Variants in RBKS observed in about 807,000 individuals in gnomAD.
RBKS encodes ribokinase.
A neutral mutation model predicts 33.9 loss-of-function variants in RBKS; 33 were observed. That is an observed-to-expected ratio of 0.97 (90% confidence interval 0.74 to 1.30). The LOEUF (loss-of-function observed/expected upper bound fraction) is 1.30, where lower values mean the gene tolerates loss of function less well. Among genes scored for constraint, RBKS ranks in the 50% most tolerant of loss-of-function variants. RBKS has a pLI of 0.00. For synonymous variants in RBKS, 125 were observed against 143.0 expected, an observed-to-expected ratio of 0.87 and a Z score of 0.90; for missense variants, 361 against 392.6, an observed-to-expected ratio of 0.92 and a Z score of 0.68.
chr2:27,807,295 A>C (rs1046647260), intron 7 of RBKS, among the ~76,000 whole-genome samples: 1 of 152,196 alleles, frequency 6.6e-6, no homozygotes, highest in African/African-American at 2.4e-5. Context: ...GAAACCATGG[A>C]GGTAACACCC....
At chr2:27,811,562 G>A (rs1394545956) in intron 7 of RBKS, among the ~76,000 whole-genome samples, 3 of 152,184 alleles carry the variant, frequency 2.0e-5, no homozygotes, top group Non-Finnish European at 4.4e-5. Flanking sequence ...GACCTTGACT[G>A]TGATCACTGC....
At chr2:27,865,595 G>A (rs62139025) in intron 1 of RBKS, among the ~76,000 whole-genome samples, 1 of 45,762 alleles carries the variant, frequency 2.2e-5, no homozygotes, top group South Asian at 7.3e-4. Flanking sequence ...TTTTTTTTTG[G>A]TAGAGACAAA....
rs756041380 is a variant in RBKS, at chr2:27,837,645, G to A, written c.515-4868C>T. On this transcript the variant is annotated intron_variant, in intron 5 of 7. Coordinates refer to ENST00000302188, the MANE Select transcript of RBKS (RefSeq NM_022128.3). This position sits in a 1 kb window ranked among gnomAD's most constrained non-coding sequence, Gnocchi z 4.0. ...ATATACCATGGAATACTATGTAGCC[G>A]TAAAAAGGAATGAAATCATGTCCTT... Among the ~76,000 whole-genome samples the A allele has an allele frequency of 2.6e-5, 4 of 152,154 alleles. No homozygotes were observed. Among genetic ancestry groups the A allele is most frequent in the Non-Finnish European group, 4.4e-5 (3 of 68,032 alleles).
intron 7 of RBKS, among the ~76,000 whole-genome samples, chr2:27,800,988 C>T (rs1001256814): frequency 6.6e-6 from 1 of 152,144 alleles, no homozygotes; most frequent in Admixed American, 6.5e-5. Context: ...GGTAAGGCTG[C>T]AGGACAGGAT....
In RBKS at chr2:27,795,252, AG is replaced by A. The variant is rs965915939; in HGVS notation, c.796-13465del. On this transcript the variant is annotated intron_variant, in intron 7 of 7. Transcript: ENST00000302188. This position sits in a 1 kb window ranked among gnomAD's most constrained non-coding sequence, Gnocchi z 4.1. Reference sequence around the variant, plus strand: ...CACCTTCTCACCAGATGTGAGATGCAGGGGTTCTGTGTTTTTCTGCACAAAG... The same window carrying A: ...CACCTTCTCACCAGATGTGAGATGCAGGGTTCTGTGTTTTTCTGCACAAAG... Among the ~76,000 whole-genome samples, 2 of 152,120 alleles carry A rather than the reference AG, an allele frequency of 1.3e-5. No homozygotes were observed.
intron 7 of RBKS, among the ~76,000 whole-genome samples, chr2:27,811,588 A>G (rs1299699891): frequency 6.6e-6 from 1 of 152,192 alleles, no homozygotes; most frequent in Admixed American, 6.5e-5. Flanking sequence ...AAGAAACCCA[A>G]TTTAGGCTTC....
At chr2:27,872,261 A>T (rs532765286) in intron 1 of RBKS, among the ~76,000 whole-genome samples, 1 of 152,338 alleles carries the variant, frequency 6.6e-6, no homozygotes, top group Non-Finnish European at 1.5e-5. Flanking sequence ...AACGTAACAC[A>T]TTTAAAATAA....
chr2:27,800,938 A>G (rs1677766523), intron 7 of RBKS, among the ~76,000 whole-genome samples: 1 of 152,186 alleles, frequency 6.6e-6, no homozygotes, highest in Non-Finnish European at 1.5e-5. Flanking sequence ...GAGGGAGAAC[A>G]CTGAGAGAGG....
Position 27,810,439 on chromosome 2 carries a change from C to T in RBKS, c.795+17128G>A, listed in dbSNP as rs532583993. Among the ~76,000 whole-genome samples, 12 of 152,074 alleles carry T rather than the reference C, an allele frequency of 7.9e-5. No individual in the cohort carries two copies. The highest frequency in any genetic ancestry group is 5.9e-5 in the Non-Finnish European group (4 of 67,982). On this transcript the variant is annotated intron_variant, in intron 7 of 7. Transcript: ENST00000302188. This position sits in a 1 kb window ranked among gnomAD's most constrained non-coding sequence, Gnocchi z 4.4. Reference sequence around the variant, plus strand: ...GCATACTGGATGGAAGGGCATTTACCGGATGGAAGGGCATTTATGGATCAC... The same window carrying T: ...GCATACTGGATGGAAGGGCATTTACTGGATGGAAGGGCATTTATGGATCAC...
intron 1 of RBKS, among the ~76,000 whole-genome samples, chr2:27,871,388 T>C (rs1664208592): frequency 6.6e-6 from 1 of 152,218 alleles, no homozygotes; most frequent in Non-Finnish European, 1.5e-5. Context: ...TACCACATAT[T>C]ATACAAAGCA....
chr2:27,835,494 C>T (rs1463164807), intron 5 of RBKS, among the ~76,000 whole-genome samples: 1 of 136,374 alleles, frequency 7.3e-6, no homozygotes, highest in African/African-American at 2.7e-5. Flanking sequence ...TCTTGGCTCA[C>T]TGCAACCTCC....
At chr2:27,806,431 T>C (rs1677897887) in intron 7 of RBKS, among the ~76,000 whole-genome samples, 1 of 152,204 alleles carries the variant, frequency 6.6e-6, no homozygotes, top group African/African-American at 2.4e-5. Flanking sequence ...TGACATGACT[T>C]TCAGTTTTCC....
chr2:27,815,897 T>C (rs1416216373), intron 7 of RBKS, among the ~76,000 whole-genome samples: 1 of 152,172 alleles, frequency 6.6e-6, no homozygotes, highest in Non-Finnish European at 1.5e-5. Flanking sequence ...GCTGAAACAA[T>C]GGTTCCTTTT....
At chr2:27,799,875 G>A (rs1028571566) in intron 7 of RBKS, among the ~76,000 whole-genome samples, 3 of 152,168 alleles carry the variant, frequency 2.0e-5, no homozygotes, top group Admixed American at 6.6e-5. Context: ...TAAAAATGGG[G>A]CTTCTGCCTT....
chr2:27,875,742 AAC>A (rs1301719682), intron 1 of RBKS, among the ~76,000 whole-genome samples: 1 of 152,150 alleles, frequency 6.6e-6, no homozygotes, highest in Non-Finnish European at 1.5e-5. Flanking sequence ...ATCTCTACGT[AAC>A]AGAGTATTAA....
At chr2:27,821,015 A>G (rs946900328) in intron 7 of RBKS, among the ~76,000 whole-genome samples, 1 of 137,706 alleles carries the variant, frequency 7.3e-6, no homozygotes, top group Admixed American at 8.1e-5. Context: ...ACTCCAGCCT[A>G]GGCACCCAGA....
At chr2:27,789,941 G>GTA (rs1169639270) in intron 7 of RBKS, among the ~76,000 whole-genome samples, 28 of 96,520 alleles carry the variant, frequency 2.9e-4, no homozygotes, top group African/African-American at 1.0e-3. Flanking sequence ...ATATATATAT[G>GTA]TATATGTGTA....
Position 27,787,137 on chromosome 2 carries a change from C to A in RBKS, c.796-5349G>T, listed in dbSNP as rs548179957. 7.2e-5 allele frequency among the ~76,000 whole-genome samples: 11 copies of A among 152,308 alleles called. No homozygotes were observed. The South Asian group carries it at 2.3e-3, about 32-fold the overall frequency. Reference sequence around the variant, plus strand: ...CTGAGTAGCTGGGACCACAGGTGTGCACCACCACACCCAGCTAATCTTTTT... The same window carrying A: ...CTGAGTAGCTGGGACCACAGGTGTGAACCACCACACCCAGCTAATCTTTTT... On this transcript the variant is annotated intron_variant, in intron 7 of 7. Coordinates refer to ENST00000302188, the MANE Select transcript of RBKS (RefSeq NM_022128.3).
intron 1 of RBKS, among the ~76,000 whole-genome samples, chr2:27,883,370 T>A (rs1664459813): frequency 6.6e-6 from 1 of 151,976 alleles, no homozygotes; most frequent in South Asian, 2.1e-4. Flanking sequence ...CAGCTAGTTG[T>A]TTGCATTTTT....
Sources: gnomAD v4.1 joint callset for allele counts (sites outside exome capture counted in the v4.1 genomes callset) on GRCh38, gnomAD v4.1.1 for gene constraint, Gnocchi (gnomAD v3.1) non-coding constraint, MANE v1.5 for transcripts, NCBI Gene and HGNC (gene_info 2026-07-23, HGNC 2026-07-21) for gene names.